The following LRRC7 variants were observed in gnomAD, a reference collection of about 807,000 sequenced individuals.
LRRC7 encodes the protein leucine-rich repeat-containing protein 7.
LRRC7 carries 23 observed loss-of-function variants against 175.7 expected under a neutral mutation model. That is an observed-to-expected ratio of 0.13 (90% CI 0.09 to 0.19). The LOEUF (loss-of-function observed/expected upper bound fraction) is 0.19, where lower values mean the gene tolerates loss of function less well. Among genes scored for constraint, LRRC7 ranks in the 10% least tolerant of loss-of-function variants. The pLI is 1.00. For missense variants in LRRC7, 1,354 were observed against 1,904.7 expected (o/e 0.71, Z 5.38); for synonymous variants, 685 against 680.9 (o/e 1.01, Z -0.09).
chr1:69,886,235 T>C (rs1381657558), intron 7 of LRRC7, among the ~76,000 whole-genome samples: 3 of 151,894 alleles, frequency 2.0e-5, no homozygotes, highest in Non-Finnish European at 4.4e-5. Context: ...TCTCCCATTG[T>C]TAATGTGTGG....
chr1:69,634,571 T>A (rs1326711850), intron 1 of LRRC7, among the ~76,000 whole-genome samples: 1 of 152,134 alleles, frequency 6.6e-6, no homozygotes, highest in East Asian at 1.9e-4. Flanking sequence ...ACCTTGTAAC[T>A]TTTATGTTTT....
At chr1:69,593,369 T>C (rs1011346273) in intron 1 of LRRC7, among the ~76,000 whole-genome samples, 13 of 152,124 alleles carry the variant, frequency 8.5e-5, no homozygotes, top group Non-Finnish European at 1.6e-4. Flanking sequence ...TTGTATTTTT[T>C]TTATTGTTTT....
At chr1:70,019,683 T>C (rs1657278243) in intron 15 of LRRC7, among the ~76,000 whole-genome samples, 1 of 152,014 alleles carries the variant, frequency 6.6e-6, no homozygotes, top group South Asian at 2.1e-4. Flanking sequence ...CATTTTGGAA[T>C]ATTTTAGGAT....
At chr1:69,952,868 A>G (rs1650084103) in intron 8 of LRRC7, among the ~76,000 whole-genome samples, 1 of 151,816 alleles carries the variant, frequency 6.6e-6, no homozygotes, top group Non-Finnish European at 1.5e-5. Context: ...AACCTCCATT[A>G]ATCAGTCAAC....
intron 7 of LRRC7, among the ~76,000 whole-genome samples, chr1:69,894,308 G>A (rs1384997978): frequency 1.3e-5 from 2 of 152,144 alleles, no homozygotes; most frequent in African/African-American, 4.8e-5. Flanking sequence ...GGTAAGGTGT[G>A]GGGGAAGGAT....
chr1:69,687,531 A>G (rs1413410216), intron 2 of LRRC7, among the ~76,000 whole-genome samples: 1 of 148,584 alleles, frequency 6.7e-6, no homozygotes, highest in African/African-American at 2.5e-5. Flanking sequence ...AAAAAAAAAA[A>G]AAAAAAAGAA....
intron 22 of LRRC7, among the ~76,000 whole-genome samples, chr1:70,046,812 A>T (rs763223632): frequency 4.6e-5 from 7 of 151,966 alleles, no homozygotes; most frequent in Non-Finnish European, 8.8e-5. Flanking sequence ...CAGAGCTTTC[A>T]TTTGAAAATT....
At chr1:69,727,534 G>A (rs1034173105) in intron 2 of LRRC7, among the ~76,000 whole-genome samples, 1 of 151,906 alleles carries the variant, frequency 6.6e-6, no homozygotes, top group African/African-American at 2.4e-5. Context: ...TACCATAGGG[G>A]ACAATACAAG....
intron 26 of LRRC7, among the ~76,000 whole-genome samples, chr1:70,110,550 T>C (rs1039858478): frequency 3.3e-5 from 5 of 152,108 alleles, no homozygotes; most frequent in Admixed American, 3.3e-4. Context: ...AGGAAATGGA[T>C]TCCTCATGCA....
At chr1:69,588,156 G>T (rs1416699081) in intron 1 of LRRC7, among the ~76,000 whole-genome samples, 2 of 152,002 alleles carry the variant, frequency 1.3e-5, no homozygotes, top group African/African-American at 4.8e-5. Flanking sequence ...AAAGTTAGTG[G>T]TTTTTTTCCT....
chr1:69,570,826 A>G (rs1645712513), intron 1 of LRRC7, among the ~76,000 whole-genome samples: 1 of 152,096 alleles, frequency 6.6e-6, no homozygotes, highest in African/African-American at 2.4e-5. Flanking sequence ...GCTAAAGTAT[A>G]TTGGGGGTGT....
intron 2 of LRRC7, among the ~76,000 whole-genome samples, chr1:69,753,661 G>T (rs1670094406): frequency 1.3e-5 from 2 of 151,962 alleles, no homozygotes; most frequent in Non-Finnish European, 2.9e-5. Context: ...GTATTCATTT[G>T]CTTATACAGG....
intron 11 of LRRC7, among the ~76,000 whole-genome samples, chr1:69,999,593 A>C (rs1655329061): frequency 6.6e-6 from 1 of 152,152 alleles, no homozygotes; most frequent in Non-Finnish European, 1.5e-5. Context: ...TGTCCAGAAA[A>C]CCACTGAAGC....
Position 69,617,065 on chromosome 1 carries a change from T to C in LRRC7, c.2+48424T>C, listed in dbSNP as rs12071186. ...ATTTGCATTTGTAATCCTACATCTA[T>C]ATATCCCAAGCTGCATGTCAAAGAA... On this transcript the variant is annotated intron_variant, in intron 1 of 26. Coordinates refer to ENST00000651989, the MANE Select transcript of LRRC7 (RefSeq NM_001370785.2). Among the ~76,000 whole-genome samples the C allele has an allele frequency of 5.7e-3, 872 of 152,234 alleles. 9 individuals carry two copies. Among genetic ancestry groups the C allele is most frequent in the African/African-American group, 0.02 (841 of 41,568 alleles).
At position 70,038,296 on chromosome 1, in the gene LRRC7, C is replaced by T. The variant is rs138436868; in HGVS notation, c.2472C>T (p.Ala824=). 50 of 1,613,952 alleles carry T rather than the reference C, an allele frequency of 3.1e-5. No homozygotes were observed. Among genetic ancestry groups the T allele is most frequent in the South Asian group, 5.5e-5 (5 of 91,080 alleles). ...NTGFVAEETT[A]ENANSNPLLS... ...GGTTTGTTGCTGAGGAAACCACAGC[C>T]GAGAATGCCAACAGTAATCCTCTCT... Residue 824 remains alanine (A), a synonymous_variant, in exon 21 of 27, where the codon GCC becomes GCT. Transcript: ENST00000651989.
In LRRC7 at chr1:69,648,209, G is replaced by T. The variant is rs72936595; in HGVS notation, c.3-30172G>T. Among the ~76,000 whole-genome samples the T allele has an allele frequency of 4.4e-3, 672 of 152,212 alleles. 4 individuals carry two copies. The highest frequency in any genetic ancestry group is 0.015 in the African/African-American group (635 of 41,520). On this transcript the variant is annotated intron_variant, in intron 1 of 26. Transcript: ENST00000651989. ...TTTATGATTGTTTGGAGGTTTAAAT[G>T]AGTGTGTGTAACATTTAGTGTCTGT... is the stretch of plus-strand genomic sequence containing the variant.
chr1:69,588,494 AATAG>A (rs1214880286), intron 1 of LRRC7, among the ~76,000 whole-genome samples: 1 of 152,160 alleles, frequency 6.6e-6, no homozygotes, highest in Non-Finnish European at 1.5e-5. Context: ...TTGTAAATTG[AATAG>A]ATAAATATAA....
chr1:69,986,168 T>C (rs1408642522), intron 9 of LRRC7, 74 bp from the exon 10 acceptor site: 2 of 1,368,218 alleles, frequency 1.5e-6, no homozygotes, highest in Non-Finnish European at 2.0e-6. Context: ...CTTTACAGTG[T>C]AGTGGTTCTT....
intron 8 of LRRC7, 128 bp downstream of exon 8, chr1:69,931,698 T>C: frequency 1.3e-6 from 1 of 745,484 alleles, no homozygotes; most frequent in Non-Finnish European, 2.2e-6. Flanking sequence ...AGTAAAAACC[T>C]GGAAGTTAAT....
Sources: gnomAD v4.1 joint callset for allele counts (sites outside exome capture counted in the v4.1 genomes callset) on GRCh38, gnomAD v4.1.1 for gene constraint, MANE v1.5 for transcripts, NCBI Gene and HGNC (gene_info 2026-07-23, HGNC 2026-07-21) for gene names.